PTER: variants seen among roughly 807,000 people sequenced by gnomAD.
PTER encodes phosphotriesterase related, also known as N-acetyltaurine hydrolase.
PTER carries 38 observed loss-of-function variants against 29.6 expected under a neutral mutation model. That is an observed-to-expected ratio of 1.28 (90% CI 0.99 to 1.68). The LOEUF (loss-of-function observed/expected upper bound fraction) is 1.68. PTER is among the 40% of genes most tolerant of loss of function. The probability of loss-of-function intolerance (pLI) is 0.00; values close to 1 mark genes in which losing one functional copy is unlikely to be tolerated. For synonymous variants in PTER, 172 were observed against 154.5 expected, an observed-to-expected ratio of 1.11 and a Z score of -0.84; for missense variants, 482 against 427.8, an observed-to-expected ratio of 1.13 and a Z score of -1.12.
At chr10:16,476,590 G>A (rs1177134169) in intron 1 of PTER, among the ~76,000 whole-genome samples, 1 of 152,004 alleles carries the variant, frequency 6.6e-6, no homozygotes, top group Non-Finnish European at 1.5e-5. Context: ...TTTTAAGACA[G>A]GGTTTTACTT....
chr10:16,446,304 CA>C (rs1834011015), intron 1 of PTER, among the ~76,000 whole-genome samples: 1 of 151,876 alleles, frequency 6.6e-6, no homozygotes, highest in Non-Finnish European at 1.5e-5. Context: ...CAACCTCCAC[CA>C]CCTCCCGGGT....
intron 3 of PTER, among the ~76,000 whole-genome samples, chr10:16,494,162 G>A (rs1329329120): frequency 6.6e-6 from 1 of 152,174 alleles, no homozygotes; most frequent in African/African-American, 2.4e-5. Context: ...GTGCTATGTG[G>A]TAGCTGAAGA....
intron 1 of PTER, among the ~76,000 whole-genome samples, chr10:16,464,544 A>G (rs1012152016): frequency 1.3e-5 from 2 of 152,156 alleles, no homozygotes; most frequent in Non-Finnish European, 2.9e-5. Context: ...TGCCTACTTA[A>G]TGATCGCCCT....
chr10:16,460,701 T>A (rs1455374079), intron 1 of PTER, among the ~76,000 whole-genome samples: 1 of 152,202 alleles, frequency 6.6e-6, no homozygotes. Context: ...TTAAAATTAT[T>A]AAAGTTGCAG....
chr10:16,439,732 A>G (rs1176129056), intron 1 of PTER, among the ~76,000 whole-genome samples: 1 of 152,104 alleles, frequency 6.6e-6, no homozygotes, highest in East Asian at 1.9e-4. Context: ...TTATTAGTTT[A>G]TTTATTTTTG....
chr10:16,497,609 C>T (rs913437352), intron 3 of PTER, among the ~76,000 whole-genome samples: 3 of 152,126 alleles, frequency 2.0e-5, no homozygotes, highest in Admixed American at 1.3e-4. Context: ...CTGTAAAGCC[C>T]AAGACAAATG....
chr10:16,444,136 G>A (rs1036902514), intron 1 of PTER, among the ~76,000 whole-genome samples: 1 of 151,878 alleles, frequency 6.6e-6, no homozygotes, highest in Non-Finnish European at 1.5e-5. Context: ...CGAGTAGCTG[G>A]AACTATAGGC....
intron 1 of PTER, among the ~76,000 whole-genome samples, chr10:16,458,487 A>G (rs1348646924): frequency 2.0e-5 from 3 of 152,226 alleles, no homozygotes; most frequent in African/African-American, 7.2e-5. Context: ...AGAACAGGAG[A>G]TTATAATGAC....
chr10:16,483,585 C>T (rs1835564541), intron 1 of PTER, among the ~76,000 whole-genome samples: 1 of 152,120 alleles, frequency 6.6e-6, no homozygotes, highest in Admixed American at 6.5e-5. Context: ...TGATGGTTCA[C>T]ACCTGTAATC....
chr10:16,498,257 A>G (rs959003691), intron 3 of PTER, among the ~76,000 whole-genome samples: 4 of 152,230 alleles, frequency 2.6e-5, no homozygotes, highest in Admixed American at 2.6e-4. Flanking sequence ...GCTGGGAAAG[A>G]TTGGAGTAAG....
At chr10:16,502,723 T>C (rs1427053330) in intron 3 of PTER, among the ~76,000 whole-genome samples, 2 of 152,038 alleles carry the variant, frequency 1.3e-5, no homozygotes, top group Admixed American at 1.3e-4. Flanking sequence ...GTGCGGTGGC[T>C]CACACCTGTA....
intron 1 of PTER, among the ~76,000 whole-genome samples, chr10:16,478,211 T>C (rs1835347428): frequency 6.6e-6 from 1 of 152,244 alleles, no homozygotes; most frequent in African/African-American, 2.4e-5. Context: ...ATTCCGACAG[T>C]GTCTTGACAA....
At chr10:16,442,475 A>T (rs974661518) in intron 1 of PTER, among the ~76,000 whole-genome samples, 1 of 152,210 alleles carries the variant, frequency 6.6e-6, no homozygotes, top group East Asian at 1.9e-4. Context: ...GAATTTGTTT[A>T]AAAGTGTTAG....
chr10:16,496,823 G>C (rs1025361874), intron 3 of PTER, among the ~76,000 whole-genome samples: 2 of 152,142 alleles, frequency 1.3e-5, no homozygotes, highest in African/African-American at 4.8e-5. Flanking sequence ...TAGATGGATG[G>C]ATAGATGGAT....
intron 3 of PTER, chr10:16,486,852 C>T (rs3802555): frequency 0.054 from 25,241 of 467,766 alleles, 936 homozygotes; most frequent in East Asian, 0.14. Context: ...TAAGATATTT[C>T]GCATAAGTCA....
rs551818888 is a variant in PTER at position 16,479,027 on chromosome 10, C to T, written c.-48-5310C>T. ...CTGGGTTCGTCACTGCCATAGTCCTCGTAATTGTTTAGAATTTGCACATTT... is the reference window on the plus strand; with the variant it reads ...CTGGGTTCGTCACTGCCATAGTCCTTGTAATTGTTTAGAATTTGCACATTT... On this transcript the variant is annotated intron_variant, in intron 1 of 4. Transcript: ENST00000535784. Among the ~76,000 whole-genome samples the T allele has an allele frequency of 4.6e-5, 7 of 151,888 alleles. No individual in the cohort carries two copies. The East Asian group carries it at 1.2e-3, about 25-fold the overall frequency.
intron 3 of PTER, among the ~76,000 whole-genome samples, chr10:16,504,198 C>T (rs183906812): frequency 6.6e-6 from 1 of 152,028 alleles, no homozygotes; most frequent in Admixed American, 6.5e-5. Context: ...TACCTTAGTG[C>T]ATCTCTTTTT....
intron 3 of PTER, among the ~76,000 whole-genome samples, chr10:16,501,904 T>A (rs1001378349): frequency 8.5e-5 from 13 of 152,324 alleles, no homozygotes; most frequent in Admixed American, 8.5e-4. Flanking sequence ...AATGAGATAA[T>A]ACATATAATG....
intron 1 of PTER, among the ~76,000 whole-genome samples, chr10:16,444,164 G>T (rs761912647): frequency 6.6e-6 from 1 of 151,950 alleles, no homozygotes; most frequent in Non-Finnish European, 1.5e-5. Flanking sequence ...ACCATGCCCA[G>T]CTAACTTTTA....
Sources: allele counts gnomAD v4.1 joint callset (sites outside exome capture counted in the v4.1 genomes callset), GRCh38; gene constraint gnomAD v4.1.1; transcripts MANE v1.5; gene names NCBI Gene and HGNC (gene_info 2026-07-23, HGNC 2026-07-21).